Variants in SLC2A13 observed in about 807,000 individuals in gnomAD.
SLC2A13 encodes proton myo-inositol cotransporter.
A neutral mutation model predicts 64.4 loss-of-function variants in SLC2A13; 32 were observed. The ratio of observed to expected loss-of-function variants is 0.50; its 90% CI spans 0.37 to 0.67. The LOEUF (loss-of-function observed/expected upper bound fraction) is 0.67, where lower values mean the gene tolerates loss of function less well. Ranked by LOEUF, SLC2A13 falls within the 30% of genes least tolerant of loss-of-function variation. The pLI, the probability that SLC2A13 is intolerant of heterozygous loss-of-function variation, is 0.00. For missense variants in SLC2A13, 743 were observed against 829.2 expected (o/e 0.90, Z 1.28); for synonymous variants, 338 against 327.1 (o/e 1.03, Z -0.36).
intron 3 of SLC2A13, among the ~76,000 whole-genome samples, chr12:39,986,553 C>A (rs1565577313): frequency 6.6e-6 from 1 of 151,892 alleles, no homozygotes; most frequent in Non-Finnish European, 1.5e-5. Context: ...ACACAAAATA[C>A]AATTTTGAAA....
At chr12:39,952,211 CTCA>C (rs1946243932) in intron 3 of SLC2A13, among the ~76,000 whole-genome samples, 1 of 152,126 alleles carries the variant, frequency 6.6e-6, no homozygotes, top group Non-Finnish European at 1.5e-5. Flanking sequence ...CCCTTCCAGC[CTCA>C]TAAGTGTTTC....
chr12:39,915,805 T>C (rs1945512229), intron 4 of SLC2A13, among the ~76,000 whole-genome samples: 2 of 151,896 alleles, frequency 1.3e-5, no homozygotes, highest in Non-Finnish European at 2.9e-5. Flanking sequence ...ACATTAATCA[T>C]AGGCATCATA....
intron 1 of SLC2A13, among the ~76,000 whole-genome samples, chr12:40,071,737 T>C (rs1349727241): frequency 6.6e-6 from 1 of 152,186 alleles, no homozygotes; most frequent in Admixed American, 6.5e-5. Flanking sequence ...ATTCATAGTA[T>C]TCCTTTGTCA....
intron 7 of SLC2A13, among the ~76,000 whole-genome samples, chr12:39,790,630 T>C (rs899087932): frequency 7.7e-6 from 1 of 130,326 alleles, no homozygotes; most frequent in Admixed American, 8.2e-5. Context: ...TGTTGGACAT[T>C]TGGGTTGGTT....
At chr12:39,896,369 T>C (rs541506650) in intron 4 of SLC2A13, among the ~76,000 whole-genome samples, 28 of 140,960 alleles carry the variant, frequency 2.0e-4, no homozygotes, top group Non-Finnish European at 3.4e-4. Context: ...TGTATATATG[T>C]ATACATATAT....
At chr12:40,014,911 G>C (rs1174536680) in intron 3 of SLC2A13, among the ~76,000 whole-genome samples, 1 of 152,208 alleles carries the variant, frequency 6.6e-6, no homozygotes, top group East Asian at 1.9e-4. Context: ...TTATGCAAAT[G>C]ACTACACTTT....
At chr12:39,811,255 A>C (rs956190145) in intron 7 of SLC2A13, among the ~76,000 whole-genome samples, 14 of 152,020 alleles carry the variant, frequency 9.2e-5, no homozygotes, top group African/African-American at 3.4e-4. Flanking sequence ...TCTCTTCAAG[A>C]AATTACCTTT....
At chr12:40,053,601 A>C (rs1353045883) in intron 1 of SLC2A13, among the ~76,000 whole-genome samples, 1 of 152,162 alleles carries the variant, frequency 6.6e-6, no homozygotes. Context: ...CTTCCCTGCC[A>C]CTATTGCCTG....
In SLC2A13 at chr12:39,951,193, A is replaced by G. The variant is rs527612169; in HGVS notation, c.1034+64T>C. The G allele has an allele frequency of 2.4e-5, 33 of 1,392,776 alleles. No homozygotes were observed. In the African/African-American group the frequency reaches 3.6e-4, roughly 15 times the overall value. 86.3% of individuals were successfully genotyped at this position (1,392,776 alleles called of 1,614,324 possible). A position where few individuals can be genotyped will look rare whatever the true frequency, so the allele number is the denominator to read the frequency against. ...CTAGTATTTACATGAAATACTTTTCACTATTTCACATAAAATAATCCTTTC... is the reference window on the plus strand; with the variant it reads ...CTAGTATTTACATGAAATACTTTTCGCTATTTCACATAAAATAATCCTTTC... On this transcript the variant is annotated intron_variant, in intron 4 of 9. Transcript: ENST00000280871.
At chr12:39,977,767 G>A (rs2136141062) in intron 3 of SLC2A13, among the ~76,000 whole-genome samples, 1 of 152,304 alleles carries the variant, frequency 6.6e-6, no homozygotes, top group East Asian at 1.9e-4. Flanking sequence ...TTGCTAAAAT[G>A]GCTTATTCAG....
intron 6 of SLC2A13, among the ~76,000 whole-genome samples, chr12:39,840,108 T>A (rs1310587172): frequency 2.0e-5 from 3 of 152,094 alleles, no homozygotes; most frequent in Non-Finnish European, 2.9e-5. Flanking sequence ...CTTGGCTCAC[T>A]GCAACCTCCG....
chr12:40,067,153 T>C (rs546640476), intron 1 of SLC2A13, among the ~76,000 whole-genome samples: 54 of 152,154 alleles, frequency 3.5e-4, no homozygotes, highest in Admixed American at 7.9e-4. Context: ...AGTTAGCTAA[T>C]GTACAGGATG....
rs764665031 is a variant in SLC2A13, at chr12:39,871,908, G to C, written c.1088C>G (p.Ala363Gly). Residue 363 changes from alanine (A) to glycine (G), a missense_variant, in exon 5 of 10, where the codon GCA becomes GGA. By Grantham distance (60) the Ala-to-Gly change is moderately conservative. Around this residue, in one of 2 missense-constraint regions of SLC2A13, gnomAD observed 295 missense variants for 381.7 expected, o/e 0.77. Coordinates refer to ENST00000280871, the MANE Select transcript of SLC2A13 (RefSeq NM_052885.4). ...QMSGVEDDRL[A>G]IWLASVTAFT... The stretch of plus-strand genomic sequence containing the variant: ...GGCTGTAACTGAAGCCAGCCATATT[G>C]CAAGTCTATCATCTTCAACACCAGA... The C allele has an allele frequency of 1.2e-6, 2 of 1,610,936 alleles. No individual in the cohort carries two copies. Among genetic ancestry groups the C allele is most frequent in the Admixed American group, 1.7e-5 (1 of 59,464 alleles).
intron 4 of SLC2A13, among the ~76,000 whole-genome samples, chr12:39,919,142 C>G (rs922160106): frequency 6.6e-6 from 1 of 151,928 alleles, no homozygotes; most frequent in African/African-American, 2.4e-5. Context: ...GCCACCACAC[C>G]TGCATACATA....
chr12:39,966,921 T>C (rs1288344599), intron 3 of SLC2A13, among the ~76,000 whole-genome samples: 2 of 152,162 alleles, frequency 1.3e-5, no homozygotes, highest in African/African-American at 2.4e-5. Flanking sequence ...CTACTTGATA[T>C]GGCTTGAGAT....
intron 1 of SLC2A13, among the ~76,000 whole-genome samples, chr12:40,090,856 T>G (rs1022083810): frequency 2.6e-5 from 4 of 152,330 alleles, no homozygotes; most frequent in African/African-American, 9.6e-5. Flanking sequence ...ATATTATCTA[T>G]GAAGAAGTAA....
intron 4 of SLC2A13, among the ~76,000 whole-genome samples, chr12:39,879,844 G>C (rs757914596): frequency 6.6e-6 from 1 of 152,176 alleles, no homozygotes; most frequent in African/African-American, 2.4e-5. Context: ...AGATTTGGAA[G>C]GGGCCAGAGG....
At chr12:40,022,172 A>T (rs1222816207) in intron 3 of SLC2A13, among the ~76,000 whole-genome samples, 1 of 152,006 alleles carries the variant, frequency 6.6e-6, no homozygotes, top group Non-Finnish European at 1.5e-5. Context: ...TCCCTACAAT[A>T]CTCTTGCTTT....
At chr12:39,814,182 C>A (rs1397388739) in intron 7 of SLC2A13, among the ~76,000 whole-genome samples, 1 of 152,044 alleles carries the variant, frequency 6.6e-6, no homozygotes, top group Middle Eastern at 3.2e-3. Context: ...GTTAATCAAC[C>A]ATTCTGATGT....
Sources: allele counts gnomAD v4.1 joint callset (sites outside exome capture counted in the v4.1 genomes callset), GRCh38; gene constraint gnomAD v4.1.1; regional missense constraint gnomAD v4.1.1; transcripts MANE v1.5; gene names NCBI Gene and HGNC (gene_info 2026-07-23, HGNC 2026-07-21).